The following PTGER2 variants were observed in gnomAD, a reference collection of about 807,000 sequenced individuals.
The protein encoded by PTGER2 is prostaglandin E2 receptor EP2 subtype.
Under a neutral mutation model 26.2 loss-of-function variants are expected in PTGER2, and 22 were observed. The ratio of observed to expected loss-of-function variants is 0.84; its 90% confidence interval spans 0.60 to 1.20. The LOEUF (loss-of-function observed/expected upper bound fraction) is 1.20. Ranked by LOEUF, PTGER2 falls within the 50% of genes most tolerant of loss-of-function variation. The pLI, the probability that PTGER2 is intolerant of heterozygous loss-of-function variation, is 0.00. For missense variants in PTGER2, 458 were observed against 475.2 expected, an observed-to-expected ratio of 0.96 and a Z score of 0.34; for synonymous variants, 219 against 208.9, an observed-to-expected ratio of 1.05 and a Z score of -0.42.
At chr14:52,326,667 C>G (rs1027735227) in intron 1 of PTGER2, among the ~76,000 whole-genome samples, 4 of 152,184 alleles carry the variant, frequency 2.6e-5, no homozygotes, top group African/African-American at 7.2e-5. Context: ...ATTGCAGACC[C>G]TGTCTCGCTG....
chr14:52,319,516 T>C (rs2033874386), intron 1 of PTGER2, among the ~76,000 whole-genome samples: 1 of 152,232 alleles, frequency 6.6e-6, no homozygotes, highest in African/African-American at 2.4e-5. Flanking sequence ...AAACTGTTTA[T>C]TCACTAAAGG....
chr14:52,318,720 C>T (rs2033866102), intron 1 of PTGER2, among the ~76,000 whole-genome samples: 1 of 152,164 alleles, frequency 6.6e-6, no homozygotes. Flanking sequence ...TAATGTCAGG[C>T]ATTGTCCCAA....
At chr14:52,321,648 A>G (rs188930514) in intron 1 of PTGER2, among the ~76,000 whole-genome samples, 18 of 152,358 alleles carry the variant, frequency 1.2e-4, no homozygotes, top group Admixed American at 5.2e-4. Flanking sequence ...CATTTTCTCT[A>G]CTTACCCAGA....
intron 1 of PTGER2, among the ~76,000 whole-genome samples, chr14:52,316,761 G>A (rs2033845154): frequency 6.6e-6 from 1 of 152,146 alleles, no homozygotes; most frequent in Non-Finnish European, 1.5e-5. Context: ...GGTCCCCACT[G>A]TCCTCACCCT....
At chr14:52,316,903 T>G (rs540008907) in intron 1 of PTGER2, among the ~76,000 whole-genome samples, 1 of 152,212 alleles carries the variant, frequency 6.6e-6, no homozygotes, top group Non-Finnish European at 1.5e-5. Context: ...CCCATACCAC[T>G]CTGAGCAGGG....
chr14:52,327,152 CAT>C (rs2033958570), intron 1 of PTGER2, 67 bp from the exon 2 acceptor site: 1 of 1,151,866 alleles, frequency 8.7e-7, no homozygotes, highest in Non-Finnish European at 1.2e-6. Flanking sequence ...CAAGACATAA[CAT>C]AGGGTCTAAG....
chr14:52,316,838 A>G (rs769486532), intron 1 of PTGER2, among the ~76,000 whole-genome samples: 1 of 152,186 alleles, frequency 6.6e-6, no homozygotes, highest in Non-Finnish European at 1.5e-5. Flanking sequence ...AATGAGATAG[A>G]ATATTCAAAG....
rs749157486 is a variant in PTGER2 at position 52,327,575 on chromosome 14, C to T, written c.*121C>T. ...AGCTGCCCTAATAAAAAGGAGTATA[C>T]AAACATTTAAGCTGTGGTCAAGGCT... On this transcript the variant is annotated 3_prime_UTR_variant, in exon 2 of 2. Transcript: ENST00000245457. The T allele has an allele frequency of 2.5e-5, 20 of 802,890 alleles. No homozygotes were observed. Among genetic ancestry groups the T allele is most frequent in the Non-Finnish European group, 3.5e-5 (18 of 519,130 alleles). The allele number at this position is 802,890 out of a possible 1,614,324, so 49.7% of individuals were successfully genotyped here.
At chr14:52,318,387 G>A (rs1056068473) in intron 1 of PTGER2, among the ~76,000 whole-genome samples, 2 of 152,090 alleles carry the variant, frequency 1.3e-5, no homozygotes, top group African/African-American at 4.8e-5. Context: ...AAAAGAAACA[G>A]AGAAAATTAA....
Position 52,314,600 on chromosome 14 carries a change from T to A in PTGER2, c.52T>A (p.Trp18Arg). The A allele has an allele frequency of 1.3e-6, 2 of 1,509,754 alleles. No homozygotes were observed. The highest frequency in any genetic ancestry group is 1.8e-6 in the Non-Finnish European group (2 of 1,128,700). The allele number at this position is 1,509,754 out of a possible 1,614,324, so 93.5% of individuals were successfully genotyped here. A position where few individuals can be genotyped will look rare whatever the true frequency, so the allele number is the denominator to read the frequency against. The change falls in exon 1 of 2, where the codon TGG becomes AGG. Residue 18 changes from tryptophan (W) to arginine (R), a missense_variant. Coordinates refer to ENST00000245457, the MANE Select transcript of PTGER2 (RefSeq NM_000956.4). This position sits in a 1 kb window ranked among gnomAD's most constrained non-coding sequence, Gnocchi z 5.7. ...SQSEDCETRQWLPPGESPAIS... is the reference protein window; with the variant it reads ...SQSEDCETRQRLPPGESPAIS... The stretch of plus-strand genomic sequence containing the variant: ...GTCTGAGGACTGCGAGACGCGACAG[T>A]GGCTTCCCCCAGGCGAAAGCCCAGC...
In PTGER2 at chr14:52,315,339, T is replaced by C. The variant is rs776123690; in HGVS notation, c.791T>C (p.Ile264Thr). The change falls in exon 1 of 2, where the codon ATT (isoleucine) becomes ACT (threonine). Residue 264 changes from isoleucine to threonine, a missense_variant. Ile to Thr is a moderately conservative substitution (Grantham distance 89). Coordinates refer to ENST00000245457, the MANE Select transcript of PTGER2 (RefSeq NM_000956.4). ...VSMAEETDHL[I>T]LLAIMTITFA... ...ATGGCGGAGGAGACGGACCACCTCATTCTCCTGGCTATCATGACCATCACC... is the reference window on the plus strand; with the variant it reads ...ATGGCGGAGGAGACGGACCACCTCACTCTCCTGGCTATCATGACCATCACC... 4.0e-5 allele frequency: 64 copies of C among 1,612,998 alleles called. No individual in the cohort carries two copies. Among genetic ancestry groups the C allele is most frequent in the Non-Finnish European group, 5.3e-5 (62 of 1,179,840 alleles).
chr14:52,326,008 C>T (rs2033945999), intron 1 of PTGER2, among the ~76,000 whole-genome samples: 1 of 152,178 alleles, frequency 6.6e-6, no homozygotes, highest in African/African-American at 2.4e-5. Flanking sequence ...ACCCTGGAGC[C>T]TTATAAAGCA....
chr14:52,319,667 T>TTTGTCCCCTAC, intron 1 of PTGER2, among the ~76,000 whole-genome samples: 1 of 152,218 alleles, frequency 6.6e-6, no homozygotes, highest in Admixed American at 6.5e-5. Context: ...CAGATACTGT[T>TTTGTCCCCTAC]TGTGTCTTCA....
intron 1 of PTGER2, among the ~76,000 whole-genome samples, chr14:52,321,871 G>T (rs1004709792): frequency 5.9e-5 from 9 of 152,182 alleles, no homozygotes; most frequent in Admixed American, 5.9e-4. Context: ...TATATTAATG[G>T]TCAGGAAATG....
At position 52,315,000 on chromosome 14, in the gene PTGER2, C is replaced by A; in HGVS notation, c.452C>A (p.Ser151Tyr). The A allele has an allele frequency of 6.2e-7, 1 of 1,613,456 alleles. No homozygotes were observed. Among genetic ancestry groups the A allele is most frequent in the Admixed American group, 1.7e-5 (1 of 60,018 alleles). ...PYFYQRRVSR[S>Y]GGLAVLPVIY... ...TTCTACCAGCGCCGCGTCTCGCGCT[C>A]CGGGGGCCTGGCCGTGCTGCCTGTC... The change falls in exon 1 of 2, where the codon TCC (serine) becomes TAC (tyrosine). Residue 151 changes from serine to tyrosine, a missense_variant. By Grantham distance (144) the Ser-to-Tyr change is moderately radical. Transcript: ENST00000245457. This position sits in a 1 kb window ranked among gnomAD's most constrained non-coding sequence, Gnocchi z 5.7.
chr14:52,322,207 G>T (rs889062249), intron 1 of PTGER2, among the ~76,000 whole-genome samples: 1 of 152,160 alleles, frequency 6.6e-6, no homozygotes, highest in Non-Finnish European at 1.5e-5. Flanking sequence ...CAGCTGGGCC[G>T]CTGGGGGTGA....
Position 52,314,908 on chromosome 14 carries a change from C to T in PTGER2, c.360C>T (p.Ser120=), listed in dbSNP as rs765980588. 3.1e-6 allele frequency: 5 copies of T among 1,612,676 alleles called. No individual in the cohort carries two copies. ...TCGCTTTCGCCATGACCTTCTTCAGCCTGGCCACGATGCTCATGCTCTTCG... is the reference window on the plus strand; with the variant it reads ...TCGCTTTCGCCATGACCTTCTTCAGTCTGGCCACGATGCTCATGCTCTTCG... ...TYFAFAMTFF[S]LATMLMLFAM... is the part of the protein sequence containing the mutation. The change falls in exon 1 of 2, where the codon AGC becomes AGT. Residue 120 remains serine (S), a synonymous_variant. Coordinates refer to ENST00000245457, the MANE Select transcript of PTGER2 (RefSeq NM_000956.4). The surrounding 1 kb of genome is among the most constrained non-coding windows in gnomAD (Gnocchi z 5.7).
chr14:52,327,561 T>TA lies in PTGER2; in HGVS notation c.*112dup, dbSNP rs1371767435. 27 of 868,594 alleles carry TA rather than the reference T, an allele frequency of 3.1e-5. 1 individual carries two copies. The highest frequency in any genetic ancestry group is 4.4e-5 in the Non-Finnish European group (25 of 573,860). 53.8% of individuals were successfully genotyped at this position (868,594 alleles called of 1,614,324 possible). On this transcript the variant is annotated 3_prime_UTR_variant, in exon 2 of 2. Transcript: ENST00000245457. The stretch of plus-strand genomic sequence containing the variant: ...TGTAAACAAAATGAAGCTGCCCTAA[T>TA]AAAAAGGAGTATACAAACATTTAAG...
chr14:52,314,767 G>A lies in PTGER2; in HGVS notation c.219G>A (p.Glu73=). 1 of 1,606,204 alleles carries A rather than the reference G, an allele frequency of 6.2e-7. No individual in the cohort carries two copies. Among genetic ancestry groups the A allele is most frequent in the Non-Finnish European group, 8.5e-7 (1 of 1,174,572 alleles). ...SLSLFHVLVT[E]LVFTDLLGTC... is the part of the protein sequence containing the mutation. ...CCTTGTTCCACGTGCTGGTGACCGA[G>A]CTGGTGTTCACCGACCTGCTCGGGA... The change falls in exon 1 of 2, where the codon GAG becomes GAA. Residue 73 remains glutamate, a synonymous_variant. Coordinates refer to ENST00000245457, the MANE Select transcript of PTGER2 (RefSeq NM_000956.4). The surrounding 1 kb of genome is among the most constrained non-coding windows in gnomAD (Gnocchi z 5.7).
Sources: gnomAD v4.1 joint callset for allele counts (sites outside exome capture counted in the v4.1 genomes callset) on GRCh38, gnomAD v4.1.1 for gene constraint, Gnocchi (gnomAD v3.1) non-coding constraint, MANE v1.5 for transcripts, NCBI Gene and HGNC (gene_info 2026-07-23, HGNC 2026-07-21) for gene names.